Variants in ARHGAP21 observed in about 807,000 individuals in gnomAD.
ARHGAP21 encodes the protein rho GTPase-activating protein 21.
A neutral mutation model predicts 164.6 loss-of-function variants in ARHGAP21; 38 were observed. The observed-to-expected ratio is 0.23, with a 90% CI of 0.18 to 0.30. The LOEUF (loss-of-function observed/expected upper bound fraction) is 0.30, where lower values mean the gene tolerates loss of function less well. ARHGAP21 is among the 10% of genes least tolerant of loss of function. The pLI is 1.00. For synonymous variants in ARHGAP21, 766 were observed against 857.9 expected, an observed-to-expected ratio of 0.89 and a Z score of 1.87; for missense variants, 1,822 against 2,370.7, an observed-to-expected ratio of 0.77 and a Z score of 4.81.
At chr10:24,590,941 A>T (rs908297819) in intron 24 of ARHGAP21, 199 of 137,594 alleles carry the variant, frequency 1.4e-3, no homozygotes, top group Middle Eastern at 0.011. Flanking sequence ...ACTGTGAATT[A>T]AAAAAAAAAA....
chr10:24,694,007 A>G (rs1015766512), intron 2 of ARHGAP21, among the ~76,000 whole-genome samples: 2 of 152,210 alleles, frequency 1.3e-5, no homozygotes, highest in Non-Finnish European at 1.5e-5. Flanking sequence ...GGACAAAATC[A>G]GGTACAAAAG....
chr10:24,617,571 G>C (rs1461915529), intron 9 of ARHGAP21, among the ~76,000 whole-genome samples: 1 of 151,964 alleles, frequency 6.6e-6, no homozygotes, highest in Non-Finnish European at 1.5e-5. Flanking sequence ...TTTAGGTTGA[G>C]ATTCCCCACA....
At chr10:24,614,389 C>T (rs1348529372) in intron 9 of ARHGAP21, among the ~76,000 whole-genome samples, 4 of 152,044 alleles carry the variant, frequency 2.6e-5, no homozygotes, top group African/African-American at 4.8e-5. Context: ...TTTTTATAAA[C>T]CAGGCATTTG....
intron 4 of ARHGAP21, among the ~76,000 whole-genome samples, chr10:24,657,999 A>G (rs1442961762): frequency 7.0e-6 from 1 of 143,454 alleles, no homozygotes; most frequent in African/African-American, 2.6e-5. Context: ...CTATTGTCCC[A>G]TGACCCTGCC....
chr10:24,713,853 CAGATT>C (rs1408986026), intron 2 of ARHGAP21, among the ~76,000 whole-genome samples: 1 of 152,064 alleles, frequency 6.6e-6, no homozygotes, highest in Admixed American at 6.5e-5. Flanking sequence ...TGCCATCATC[CAGATT>C]AGATTGTGAA....
intron 2 of ARHGAP21, among the ~76,000 whole-genome samples, chr10:24,677,419 A>G (rs530375476): frequency 3.3e-5 from 5 of 152,334 alleles, no homozygotes; most frequent in Admixed American, 3.3e-4. Context: ...TAGTGTAAGT[A>G]AGAAATAAGA....
chr10:24,589,566 AACAC>A, intron 24 of ARHGAP21: 1 of 407,156 alleles, frequency 2.5e-6, no homozygotes, highest in Non-Finnish European at 4.3e-6. Flanking sequence ...CAAAAACAGA[AACAC>A]TCGTGTTTAT....
rs142005854 is a variant in ARHGAP21 at position 24,618,136 on chromosome 10, A to G, written c.2422+1337T>C. ...ATAAAATGAAGATAATATTAAGGAC[A>G]TAAGTCATCACCTGTTAGCAGATGA... On this transcript the variant is annotated intron_variant, in intron 9 of 25. Coordinates refer to ENST00000396432, the MANE Select transcript of ARHGAP21 (RefSeq NM_020824.4). 7.0e-3 allele frequency among the ~76,000 whole-genome samples: 1,072 copies of G among 152,320 alleles called. 11 individuals are homozygous for G. The highest frequency in any genetic ancestry group is 0.024 in the African/African-American group (1,008 of 41,580).
chr10:24,600,550 A>AT (rs896069081), intron 14 of ARHGAP21, 96 bp downstream of exon 14: 70 of 1,412,976 alleles, frequency 5.0e-5, no homozygotes, highest in Non-Finnish European at 6.3e-5. Context: ...GCACATTATA[A>AT]TTTTTTTATA....
rs57061283 is a variant in ARHGAP21 at position 24,691,383 on chromosome 10, T to C, written c.64-20986A>G. ...GGCTGTCATCCAACTTCTAATGTGG[T>C]AATAACACACAGTTCACTCACGTTC... On this transcript the variant is annotated intron_variant, in intron 2 of 25. Coordinates refer to ENST00000396432, the MANE Select transcript of ARHGAP21 (RefSeq NM_020824.4). Among the ~76,000 whole-genome samples, 520 of 152,342 alleles carry C rather than the reference T, an allele frequency of 3.4e-3. 5 individuals carry two copies. Among genetic ancestry groups the C allele is most frequent in the African/African-American group, 0.012 (482 of 41,588 alleles).
chr10:24,628,753 A>ATGTG lies in ARHGAP21; in HGVS notation c.495+1239_495+1242dup, dbSNP rs61405659. Among the ~76,000 whole-genome samples the ATGTG allele has an allele frequency of 9.7e-4, 131 of 134,824 alleles. 1 individual carries two copies. Among genetic ancestry groups the ATGTG allele is most frequent in the South Asian group, 2.4e-3 (10 of 4,192 alleles). The allele number at this position is 134,824 out of a possible 152,430, so 88.4% of individuals were successfully genotyped here. A position where few individuals can be genotyped will look rare whatever the true frequency, so the allele number is the denominator to read the frequency against. On this transcript the variant is annotated intron_variant, in intron 7 of 25. Transcript: ENST00000396432. ...AAAATGTTATTTTCTTGAATGAAAT[A>ATGTG]TGTGTGTGTGTGTGTGTGCATATAT...
At chr10:24,655,556 C>T (rs948442533) in intron 4 of ARHGAP21, among the ~76,000 whole-genome samples, 3 of 152,106 alleles carry the variant, frequency 2.0e-5, no homozygotes, top group Non-Finnish European at 2.9e-5. Context: ...GGACGGGCCC[C>T]GCGGGGCCCG....
intron 21 of ARHGAP21, 75 bp downstream of exon 21, chr10:24,594,875 G>A (rs1592947848): frequency 8.4e-7 from 1 of 1,196,020 alleles, no homozygotes; most frequent in East Asian, 2.5e-5. Flanking sequence ...TTGACTATTT[G>A]GCATGAAGTA....
intron 4 of ARHGAP21, among the ~76,000 whole-genome samples, chr10:24,639,189 T>C (rs1836715727): frequency 6.6e-6 from 1 of 152,162 alleles, no homozygotes; most frequent in Non-Finnish European, 1.5e-5. Context: ...AGTGGGGTCA[T>C]CAGATTTTGC....
chr10:24,597,628 T>C, intron 15 of ARHGAP21, 45 bp from the exon 16 acceptor site: 2 of 1,606,820 alleles, frequency 1.2e-6, no homozygotes, highest in East Asian at 2.2e-5. Context: ...GTAATCCCCC[T>C]CTATCTATGG....
At chr10:24,601,053 T>A in intron 13 of ARHGAP21, 123 bp from the exon 14 acceptor site, 2 of 1,107,694 alleles carry the variant, frequency 1.8e-6, no homozygotes, top group African/African-American at 3.1e-5. Flanking sequence ...GGTGGCAGAT[T>A]TAGCTCACTA....
intron 2 of ARHGAP21, among the ~76,000 whole-genome samples, chr10:24,684,493 C>A (rs1184973555): frequency 6.6e-6 from 1 of 152,088 alleles, no homozygotes; most frequent in Non-Finnish European, 1.5e-5. Flanking sequence ...GTACTTCAAG[C>A]ATTTTCTTTT....
chr10:24,651,655 G>A (rs1207392332), intron 4 of ARHGAP21, among the ~76,000 whole-genome samples: 1 of 152,178 alleles, frequency 6.6e-6, no homozygotes, highest in Non-Finnish European at 1.5e-5. Context: ...GTCCAGTAAT[G>A]CAGGGCTGGT....
intron 2 of ARHGAP21, among the ~76,000 whole-genome samples, chr10:24,718,057 T>C (rs1845563350): frequency 6.6e-6 from 1 of 152,150 alleles, no homozygotes; most frequent in Admixed American, 6.5e-5. Context: ...CCGTAGGGAA[T>C]CTGTTTCTGT....
Sources: gnomAD v4.1 joint callset for allele counts (sites outside exome capture counted in the v4.1 genomes callset) on GRCh38, gnomAD v4.1.1 for gene constraint, MANE v1.5 for transcripts, NCBI Gene and HGNC (gene_info 2026-07-23, HGNC 2026-07-21) for gene names.